The following ATF2 variants were observed in gnomAD, a reference collection of about 807,000 sequenced individuals.
The protein encoded by ATF2 is cyclic AMP-dependent transcription factor ATF-2.
A neutral mutation model predicts 60.6 loss-of-function variants in ATF2; 24 were observed. The ratio of observed to expected loss-of-function variants is 0.40; its 90% CI spans 0.29 to 0.56. The LOEUF (loss-of-function observed/expected upper bound fraction) is 0.56, where lower values mean the gene tolerates loss of function less well. ATF2 is among the 20% of genes least tolerant of loss of function. The pLI is 0.54. For synonymous variants in ATF2, 206 were observed against 215.4 expected, an observed-to-expected ratio of 0.96 and a Z score of 0.38; for missense variants, 433 against 607.7, an observed-to-expected ratio of 0.71 and a Z score of 3.02.
chr2:175,121,993 C>G (rs529936647), intron 4 of ATF2, among the ~76,000 whole-genome samples: 1 of 151,874 alleles, frequency 6.6e-6, no homozygotes, highest in South Asian at 2.1e-4. Flanking sequence ...AAAAGTATTA[C>G]GCCTGGACAA....
In ATF2 at chr2:175,161,497, G is replaced by A. The variant is rs192991134; in HGVS notation, c.-143+6553C>T. ...TTAAAGAGAAGGAAACTGAGGCAGA[G>A]AGGTTATATAATTTACTCAAGATAA... On this transcript the variant is annotated intron_variant, in intron 1 of 13. Coordinates refer to ENST00000264110, the MANE Select transcript of ATF2 (RefSeq NM_001880.4). Among the ~76,000 whole-genome samples, 375 of 152,302 alleles carry A rather than the reference G, an allele frequency of 2.5e-3. 2 individuals carry two copies. The highest frequency in any genetic ancestry group is 9.6e-3 in the Admixed American group (147 of 15,296).
At chr2:175,150,306 C>G (rs765760322) in intron 2 of ATF2, among the ~76,000 whole-genome samples, 1 of 152,032 alleles carries the variant, frequency 6.6e-6, no homozygotes, top group African/African-American at 2.4e-5. Context: ...GACAAAAAAC[C>G]CAATCTGCTT....
chr2:175,155,567 G>C (rs1243821605), intron 1 of ATF2, among the ~76,000 whole-genome samples: 1 of 152,146 alleles, frequency 6.6e-6, no homozygotes, highest in African/African-American at 2.4e-5. Context: ...TCCAGAGAGG[G>C]AGTTCCGCAA....
intron 7 of ATF2, among the ~76,000 whole-genome samples, chr2:175,115,404 C>T (rs1153677): frequency 0.1 from 15,563 of 152,076 alleles, 918 homozygotes; most frequent in Middle Eastern, 0.18. Flanking sequence ...CAAAAGGCCA[C>T]GTAATACTGA....
chr2:175,155,243 C>T (rs1407617398), intron 1 of ATF2, among the ~76,000 whole-genome samples: 3 of 152,132 alleles, frequency 2.0e-5, no homozygotes, highest in African/African-American at 7.2e-5. Flanking sequence ...CATACCTATC[C>T]CCATCCCAAA....
At chr2:175,114,274 T>C (rs1321158547) in intron 8 of ATF2, 166 bp from the exon 9 acceptor site, 1 of 1,385,856 alleles carries the variant, frequency 7.2e-7, no homozygotes, top group African/African-American at 1.5e-5. Context: ...GCATCTTAAA[T>C]GCATAACCTG....
chr2:175,128,369 G>A (rs769450887), intron 4 of ATF2, among the ~76,000 whole-genome samples: 14 of 151,996 alleles, frequency 9.2e-5, no homozygotes, highest in East Asian at 5.8e-4. Flanking sequence ...GTGTGGTGGC[G>A]CATGCCTGTA....
At chr2:175,167,735 G>C (rs778931559) in intron 1 of ATF2, 1 of 477,854 alleles carries the variant, frequency 2.1e-6, no homozygotes, top group African/African-American at 2.0e-5. Context: ...CGGAGGGAGG[G>C]GTCTAAGAGG....
chr2:175,160,681 T>C (rs890883222), intron 1 of ATF2, among the ~76,000 whole-genome samples: 4 of 152,178 alleles, frequency 2.6e-5, no homozygotes, highest in African/African-American at 7.2e-5. Context: ...AATCATAATC[T>C]CAATCCCACT....
At chr2:175,140,999 GAAAAAAAAAAAAAAAAAAAAAAAAA>G (rs869208203) in intron 2 of ATF2, among the ~76,000 whole-genome samples, 1 of 26,764 alleles carries the variant, frequency 3.7e-5, no homozygotes, top group Non-Finnish European at 6.4e-5. Context: ...CCTATCTCAG[GAAAAAAAAAAAAAAAAAAAAAAAAA>G]AAAAAAATAT....
chr2:175,106,383 T>C (rs1695665077), intron 10 of ATF2, among the ~76,000 whole-genome samples: 1 of 150,612 alleles, frequency 6.6e-6, no homozygotes, highest in Non-Finnish European at 1.5e-5. Context: ...AAAAATTAGC[T>C]GGGTGTGGTG....
chr2:175,093,117 C>T lies in ATF2; in HGVS notation c.1129G>A (p.Val377Ile). 6.2e-7 allele frequency: 1 copy of T among 1,614,198 alleles called. No homozygotes were observed. The highest frequency in any genetic ancestry group is 8.5e-7 in the Non-Finnish European group (1 of 1,180,030). Residue 377 changes from valine (V) to isoleucine (I), a missense_variant, in exon 12 of 14, where the codon GTT becomes ATT. Physicochemically the swap from Val to Ile is conservative, Grantham distance 29. This residue lies in a region of ATF2 where 24 missense variants were observed against 75.4 expected (regional missense o/e 0.32). Coordinates refer to ENST00000264110, the MANE Select transcript of ATF2 (RefSeq NM_001880.4). Reference sequence around the variant, plus strand: ...TCAGCTTTCTTCTCTAAAGACTGAACCCAGACTTTCCTTTTTTGTCGGCAT... The same window carrying T: ...TCAGCTTTCTTCTCTAAAGACTGAATCCAGACTTTCCTTTTTTGTCGGCAT... ...SRCRQKRKVW[V>I]QSLEKKAEDL...
chr2:175,130,096 A>C (rs983164114), intron 4 of ATF2, 42 bp downstream of exon 4: 1 of 1,320,894 alleles, frequency 7.6e-7, no homozygotes, highest in Non-Finnish European at 1.1e-6. Flanking sequence ...TGTTTTAATA[A>C]GTGGAAATAT....
intron 12 of ATF2, among the ~76,000 whole-genome samples, chr2:175,089,413 C>A (rs13416105): frequency 0.068 from 10,324 of 152,212 alleles, 356 homozygotes; most frequent in East Asian, 0.12. Context: ...CCTTGTATTA[C>A]ATATAAAATA....
rs934771554 is a variant in ATF2 at position 175,097,470 on chromosome 2, G to T, written c.952C>A (p.Pro318Thr). The change falls in exon 11 of 14, where the codon CCA (proline) becomes ACA (threonine). Residue 318 changes from proline to threonine, a missense_variant. This residue lies in a region of ATF2 where 246 missense variants were observed against 309.3 expected (regional missense o/e 0.80). Transcript: ENST00000264110. ...GGAGTTTCTGTAGTGGATGTGGCTG[G>T]CTGTTGTAATGACTGCGGTCGAGAT... ...EESRPQSLQQPATSTTETPAS... is the reference protein window; with the variant it reads ...EESRPQSLQQTATSTTETPAS... The T allele has an allele frequency of 6.2e-7, 1 of 1,613,926 alleles. No homozygotes were observed. The highest frequency in any genetic ancestry group is 1.3e-5 in the African/African-American group (1 of 74,902).
chr2:175,164,385 T>A lies in ATF2; in HGVS notation c.-143+3665A>T, dbSNP rs1574523537. Among the ~76,000 whole-genome samples the A allele has an allele frequency of 4.6e-5, 7 of 151,952 alleles. No homozygotes were observed. The South Asian group carries it at 1.5e-3, about 32-fold the overall frequency. ...CCCATCTCTACTAAAAATACAAAAA[T>A]CAGCAGGGAATGGTGGTGCACCCCT... On this transcript the variant is annotated intron_variant, in intron 1 of 13. Transcript: ENST00000264110.
At chr2:175,117,157 GTTTTC>G (rs1245813075) in intron 7 of ATF2, among the ~76,000 whole-genome samples, 3 of 151,014 alleles carry the variant, frequency 2.0e-5, no homozygotes, top group South Asian at 4.2e-4. Flanking sequence ...GGTGATTTTG[GTTTTC>G]TTTTCATGTT....
chr2:175,082,011 T>C (rs212342), intron 12 of ATF2, among the ~76,000 whole-genome samples: 14,878 of 152,196 alleles, frequency 0.098, 820 homozygotes, highest in Middle Eastern at 0.17. Context: ...TGAGGTGAGA[T>C]TGTGCCACTG....
chr2:175,141,523 C>T (rs1698533804), intron 2 of ATF2, among the ~76,000 whole-genome samples: 1 of 152,038 alleles, frequency 6.6e-6, no homozygotes, highest in Non-Finnish European at 1.5e-5. Flanking sequence ...GACGGAGTCT[C>T]GCTCTGTCGT....
Sources: gnomAD v4.1 joint callset for allele counts (sites outside exome capture counted in the v4.1 genomes callset) on GRCh38, gnomAD v4.1.1 for gene constraint, gnomAD v4.1.1 regional missense constraint, MANE v1.5 for transcripts, NCBI Gene and HGNC (gene_info 2026-07-23, HGNC 2026-07-21) for gene names.